The following HSPG2 variants were observed in gnomAD, a reference collection of about 807,000 sequenced individuals.
The protein encoded by HSPG2 is heparan sulfate proteoglycan 2.
A neutral mutation model predicts 526.6 loss-of-function variants in HSPG2; 278 were observed. The ratio of observed to expected loss-of-function variants is 0.53; its 90% confidence interval spans 0.48 to 0.58. HSPG2 has a LOEUF of 0.58. Ranked by LOEUF, HSPG2 falls within the 20% of genes least tolerant of loss-of-function variation. HSPG2 has a pLI of 0.00. For missense variants in HSPG2, 5,354 were observed against 6,099.5 expected (o/e 0.88, Z 4.07); for synonymous variants, 2,465 against 2,555.4 (o/e 0.96, Z 1.07).
Position 21,862,148 on chromosome 1 carries a change from T to C in HSPG2, c.4741-33A>G. 3 of 1,608,300 alleles carry C rather than the reference T, an allele frequency of 1.9e-6. No individual in the cohort carries two copies. In the South Asian group the frequency reaches 3.3e-5, roughly 18 times the overall value. On this transcript the variant is annotated intron_variant, in intron 37 of 96. Coordinates refer to ENST00000374695, the MANE Select transcript of HSPG2 (RefSeq NM_005529.7). ...GCACAAGGAGGGCAGGCACCAGCCATTAGGCCAAATTTACCAGAAGCCTTT... is the reference window on the plus strand; with the variant it reads ...GCACAAGGAGGGCAGGCACCAGCCACTAGGCCAAATTTACCAGAAGCCTTT...
At chr1:21,861,668 G>A (rs746527599) in intron 39 of HSPG2, 89 bp downstream of exon 39, 3 of 1,213,228 alleles carry the variant, frequency 2.5e-6, no homozygotes, top group Non-Finnish European at 1.2e-6. Context: ...TCCTAGAAGA[G>A]ACTTTTCTGA....
intron 33 of HSPG2, among the ~76,000 whole-genome samples, chr1:21,870,577 C>A (rs1311054701): frequency 6.6e-6 from 1 of 152,206 alleles, no homozygotes; most frequent in African/African-American, 2.4e-5. Flanking sequence ...GGATTAGCAT[C>A]GGGTTAGTCT....
intron 55 of HSPG2, 59 bp downstream of exon 55, chr1:21,851,487 C>T (rs1485026816): frequency 4.3e-6 from 7 of 1,611,098 alleles, no homozygotes; most frequent in Non-Finnish European, 5.9e-6. Context: ...CCCCCAATAA[C>T]CTCCGCCACC....
intron 56 of HSPG2, 39 bp downstream of exon 56, chr1:21,850,324 C>T (rs1247391699): frequency 6.2e-7 from 1 of 1,603,086 alleles, no homozygotes; most frequent in Non-Finnish European, 8.5e-7. Context: ...GGCCTCCCAC[C>T]CTGGGTCCCC....
chr1:21,827,959 C>T (rs372687244), intron 90 of HSPG2, 40 bp from the exon 91 acceptor site: 209 of 1,609,588 alleles, frequency 1.3e-4, no homozygotes, highest in Non-Finnish European at 1.6e-4. Flanking sequence ...GGCATAGACA[C>T]CCGTGGGTAC....
intron 55 of HSPG2, among the ~76,000 whole-genome samples, chr1:21,851,023 A>G (rs1476683869): frequency 6.8e-6 from 1 of 146,162 alleles, no homozygotes; most frequent in African/African-American, 2.6e-5. Context: ...CCCAGGCTGG[A>G]GTGCAATGGC....
chr1:21,834,020 T>C, intron 77 of HSPG2, 95 bp from the exon 78 acceptor site: 4 of 832,210 alleles, frequency 4.8e-6, no homozygotes, highest in Middle Eastern at 2.2e-4. Context: ...ACACCACCCC[T>C]TGAAGGAAGC....
At chr1:21,854,404 C>T in intron 49 of HSPG2, 61 bp from the exon 50 acceptor site, 2 of 1,538,942 alleles carry the variant, frequency 1.3e-6, no homozygotes, top group South Asian at 1.2e-5. Flanking sequence ...TCACCACTCC[C>T]TCAGCCTCAG....
chr1:21,886,488 G>T (rs1641905266), intron 9 of HSPG2, among the ~76,000 whole-genome samples: 1 of 152,136 alleles, frequency 6.6e-6, no homozygotes, highest in Admixed American at 6.6e-5. Flanking sequence ...CCACAGAGAA[G>T]AGCCTGAAGA....
intron 1 of HSPG2, among the ~76,000 whole-genome samples, chr1:21,921,990 G>A (rs1158338703): frequency 3.9e-5 from 6 of 152,228 alleles, no homozygotes; most frequent in African/African-American, 7.2e-5. Flanking sequence ...TTCCCATAGC[G>A]GGGGTGAGGT....
In HSPG2 at chr1:21,833,380, C is replaced by T. The variant is rs2098012960; in HGVS notation, c.10983G>A (p.Arg3661=). Residue 3661 remains arginine, a synonymous_variant, in exon 80 of 97, where the codon CGG becomes CGA. Coordinates refer to ENST00000374695, the MANE Select transcript of HSPG2 (RefSeq NM_005529.7). ...GGGTCTGCGTGAAGTAGGGCACCAC[C>T]CGCTCTGCCAGCAGAGAGCACAGCT... The part of the protein sequence containing the change: ...KAFAHLQVPE[R]VVPYFTQTPY... 1.2e-6 allele frequency: 2 copies of T among 1,613,976 alleles called. No homozygotes were observed. The highest frequency in any genetic ancestry group is 1.1e-5 in the South Asian group (1 of 91,086).
intron 86 of HSPG2, 79 bp downstream of exon 86, chr1:21,829,914 A>C: frequency 8.3e-7 from 1 of 1,207,384 alleles, no homozygotes. Flanking sequence ...CGTAGGGCCC[A>C]TCATGGCCTC....
intron 14 of HSPG2, 86 bp from the exon 15 acceptor site, chr1:21,880,921 C>T: frequency 7.6e-7 from 1 of 1,307,570 alleles, no homozygotes; most frequent in Non-Finnish European, 1.1e-6. Context: ...CTTCCAGCTC[C>T]TCCCTCACTC....
chr1:21,861,851 C>T lies in HSPG2; in HGVS notation c.4869-8G>A, dbSNP rs776223220. ...TCACAGGTGCGGGAAAACCTGGGAT[C>T]GGGGAGGCAAAGGTCAGGTCATGGG... On this transcript the variant is annotated splice_region_variant and splice_polypyrimidine_tract_variant and intron_variant, in intron 38 of 96. Coordinates refer to ENST00000374695, the MANE Select transcript of HSPG2 (RefSeq NM_005529.7). 3.0e-5 allele frequency: 48 copies of T among 1,613,378 alleles called. No individual in the cohort carries two copies. The highest frequency in any genetic ancestry group is 2.3e-4 in the African/African-American group (17 of 74,934).
chr1:21,861,773 C>T lies in HSPG2; in HGVS notation c.4939G>A (p.Gly1647Ser). 1 of 1,614,018 alleles carries T rather than the reference C, an allele frequency of 6.2e-7. No individual in the cohort carries two copies. The highest frequency in any genetic ancestry group is 8.5e-7 in the Non-Finnish European group (1 of 1,179,996). Residue 1647 changes from glycine (G) to serine (S), a missense_variant, in exon 39 of 97, where the codon GGC becomes AGC. Gly to Ser is a moderately conservative substitution (Grantham distance 56). Transcript: ENST00000374695. ...CAAACTTACTGCTCACAGTACTGGC[C>T]AGTGTAGCCGGGTTCGCAGGCCGTG... ...RCTACEPGYT[G>S]QYCEQCGPGY...
intron 1 of HSPG2, among the ~76,000 whole-genome samples, chr1:21,903,004 G>A (rs559253732): frequency 1.3e-5 from 2 of 152,342 alleles, no homozygotes; most frequent in East Asian, 3.9e-4. Context: ...CACACAGTAG[G>A]TACTAATAAA....
rs754060584 is a variant in HSPG2 at position 21,880,799 on chromosome 1, G to A, written c.1855C>T (p.Arg619Cys). Residue 619 changes from arginine to cysteine, a missense_variant, in exon 15 of 97, where the codon CGC becomes TGC. Transcript: ENST00000374695. The stretch of plus-strand genomic sequence containing the variant: ...AGCATGCCACGGGCCAACTCGTAGC[G>A]CACGTTGTAACGCAGGGAGCCGCCA... Reference protein sequence around the residue: ...SYGGSLRYNVRYELARGMLEP... With the variant: ...SYGGSLRYNVCYELARGMLEP... 4.3e-5 allele frequency: 69 copies of A among 1,596,876 alleles called. No individual in the cohort carries two copies. The East Asian group carries it at 6.4e-4, about 15-fold the overall frequency.
In HSPG2 at chr1:21,859,514, G is replaced by A. The variant is rs2152729253; in HGVS notation, c.5293+52C>T. The A allele has an allele frequency of 7.2e-7, 1 of 1,396,638 alleles. No individual in the cohort carries two copies. Among genetic ancestry groups the A allele is most frequent in the East Asian group, 2.5e-5 (1 of 40,412 alleles). The allele number at this position is 1,396,638 out of a possible 1,614,324, so 86.5% of individuals were successfully genotyped here. A position where few individuals can be genotyped will look rare whatever the true frequency, so the allele number is the denominator to read the frequency against. The stretch of plus-strand genomic sequence containing the variant: ...CACCATCTGCCTGAATCTGCAGCCT[G>A]CAGCCCAGCCCAGGACAGGCAGTCT... On this transcript the variant is annotated intron_variant, in intron 42 of 96. Coordinates refer to ENST00000374695, the MANE Select transcript of HSPG2 (RefSeq NM_005529.7). This position sits in a 1 kb window ranked among gnomAD's most constrained non-coding sequence, Gnocchi z 5.3.
In HSPG2 at chr1:21,846,199, G is replaced by C. The variant is rs753033341; in HGVS notation, c.8373C>G (p.Tyr2791Ter). ...HHVSPADSGE[Y>*]VCRVMGSSGP... ...CAGAGCTGCCCATCACCCGGCACAC[G>C]TATTCACCCGAGTCGGCCGGGGACA... is the stretch of plus-strand genomic sequence containing the variant. Residue 2791 changes from tyrosine to a stop codon, truncating the protein, a stop_gained, in exon 64 of 97, where the codon TAC (tyrosine) becomes TAG (stop). Transcript: ENST00000374695. LOFTEE classifies it high-confidence loss of function. 6.2e-7 allele frequency: 1 copy of C among 1,612,946 alleles called. No homozygotes were observed. Among genetic ancestry groups the C allele is most frequent in the Admixed American group, 1.7e-5 (1 of 60,004 alleles).
Sources: allele counts gnomAD v4.1 joint callset (sites outside exome capture counted in the v4.1 genomes callset), GRCh38; gene constraint gnomAD v4.1.1; non-coding constraint Gnocchi (gnomAD v3.1); transcripts MANE v1.5; gene names NCBI Gene and HGNC (gene_info 2026-07-23, HGNC 2026-07-21).